The following IPO8 variants were observed in gnomAD, a reference collection of about 807,000 sequenced individuals.
IPO8 encodes the protein importin-8.
IPO8 carries 65 observed loss-of-function variants against 141.2 expected under a neutral mutation model. That is an observed-to-expected ratio of 0.46 (90% confidence interval 0.38 to 0.57). The LOEUF (loss-of-function observed/expected upper bound fraction) is 0.57. IPO8 is among the 20% of genes least tolerant of loss of function. The probability of loss-of-function intolerance (pLI) is 0.00; values close to 1 mark genes in which losing one functional copy is unlikely to be tolerated. For synonymous variants in IPO8, 411 were observed against 420.3 expected (o/e 0.98, Z 0.27); for missense variants, 980 against 1,246.8 (o/e 0.79, Z 3.22).
intron 23 of IPO8, among the ~76,000 whole-genome samples, chr12:30,633,798 A>C (rs541738663): frequency 6.6e-6 from 1 of 152,318 alleles, no homozygotes; most frequent in South Asian, 2.1e-4. Flanking sequence ...CTAAAGGATG[A>C]ACAATATACA....
chr12:30,670,842 T>C lies in IPO8; in HGVS notation c.1044+120A>G, dbSNP rs2053036544. 3 of 742,986 alleles carry C rather than the reference T, an allele frequency of 4.0e-6. No individual in the cohort carries two copies. The Admixed American group carries it at 9.2e-5, about 23-fold the overall frequency. The allele number at this position is 742,986 out of a possible 1,614,324, so 46.0% of individuals were successfully genotyped here. ...GACATAGGACTTCACTCATTAGAAA[T>C]TATTAATGGTAAAATGTATATATAT... On this transcript the variant is annotated intron_variant, in intron 9 of 24. Coordinates refer to ENST00000256079, the MANE Select transcript of IPO8 (RefSeq NM_006390.4).
intron 4 of IPO8, 54 bp downstream of exon 4, chr12:30,681,605 A>G (rs2053188947): frequency 6.5e-7 from 1 of 1,539,518 alleles, no homozygotes; most frequent in Non-Finnish European, 8.9e-7. Context: ...TTGCAACTTC[A>G]TTATTTCTAA....
intron 1 of IPO8, among the ~76,000 whole-genome samples, chr12:30,692,578 G>T (rs952400284): frequency 6.6e-6 from 1 of 152,148 alleles, no homozygotes; most frequent in Non-Finnish European, 1.5e-5. Context: ...CTGCAAATAC[G>T]CAGTTTGCTT....
chr12:30,682,872 G>T (rs758161219), intron 3 of IPO8, among the ~76,000 whole-genome samples: 1 of 151,992 alleles, frequency 6.6e-6, no homozygotes, highest in South Asian at 2.1e-4. Flanking sequence ...TTGAGAATAG[G>T]TGGAAGAAAT....
chr12:30,674,824 A>G (rs756488187), intron 6 of IPO8, 71 bp from the exon 7 acceptor site: 1 of 949,076 alleles, frequency 1.1e-6, no homozygotes, highest in Non-Finnish European at 1.7e-6. Flanking sequence ...CAAAGGCAAG[A>G]TAAATCTTGA....
Position 30,681,641 on chromosome 12 carries a change from C to T in IPO8, c.482+18G>A. Reference sequence around the variant, plus strand: ...GTTACACAAGGCTGCTTTCTTCAGCCAATGGAAACCAACTTACTCATATGT... The same window carrying T: ...GTTACACAAGGCTGCTTTCTTCAGCTAATGGAAACCAACTTACTCATATGT... On this transcript the variant is annotated intron_variant, in intron 4 of 24. Transcript: ENST00000256079. 2 of 1,602,200 alleles carry T rather than the reference C, an allele frequency of 1.2e-6. No individual in the cohort carries two copies. The highest frequency in any genetic ancestry group is 1.7e-6 in the Non-Finnish European group (2 of 1,173,470).
intron 20 of IPO8, among the ~76,000 whole-genome samples, chr12:30,648,444 GA>G (rs1314380167): frequency 2.0e-5 from 3 of 152,172 alleles, no homozygotes; most frequent in Non-Finnish European, 4.4e-5. Context: ...TTTTTTGGGA[GA>G]GGGGTAATGA....
At chr12:30,691,377 C>A (rs1203267452) in intron 1 of IPO8, among the ~76,000 whole-genome samples, 1 of 152,164 alleles carries the variant, frequency 6.6e-6, no homozygotes, top group East Asian at 1.9e-4. Context: ...CCTAAGTGAG[C>A]CTGTGGGGAT....
chr12:30,684,370 T>C lies in IPO8; in HGVS notation c.254A>G (p.His85Arg). Residue 85 changes from histidine (H) to arginine (R), a missense_variant, in exon 3 of 25, where the codon CAC (histidine) becomes CGC (arginine). This residue lies in a region of IPO8 where 924 missense variants were observed against 1,153.9 expected (regional missense o/e 0.80). Coordinates refer to ENST00000256079, the MANE Select transcript of IPO8 (RefSeq NM_006390.4). ...ACGTATTTGCTGGCGATCGTTTTCG[T>C]GAATGTTGAATGGAAATATTGCTTC... is the stretch of plus-strand genomic sequence containing the variant. ...PGEAIFPFNI[H>R]ENDRQQIRDN... 6.2e-7 allele frequency: 1 copy of C among 1,614,130 alleles called. No homozygotes were observed. Among genetic ancestry groups the C allele is most frequent in the Non-Finnish European group, 8.5e-7 (1 of 1,179,992 alleles).
At chr12:30,693,317 A>C (rs1015235522) in intron 1 of IPO8, among the ~76,000 whole-genome samples, 13 of 152,348 alleles carry the variant, frequency 8.5e-5, no homozygotes, top group Non-Finnish European at 1.0e-4. Context: ...ACAATATCAC[A>C]AATAGCAGTC....
intron 10 of IPO8, 136 bp from the exon 11 acceptor site, chr12:30,666,387 G>T (rs1565503230): frequency 3.9e-6 from 2 of 513,296 alleles, no homozygotes; most frequent in Admixed American, 3.6e-5. Context: ...GTACTAAAAA[G>T]GTAAGGATAT....
intron 2 of IPO8, among the ~76,000 whole-genome samples, chr12:30,687,905 T>C (rs546548997): frequency 6.6e-6 from 1 of 152,238 alleles, no homozygotes; most frequent in South Asian, 2.1e-4. Context: ...GGCAAACTTA[T>C]AGAAATCAAA....
intron 1 of IPO8, among the ~76,000 whole-genome samples, chr12:30,691,659 T>C (rs1258505775): frequency 1.3e-5 from 2 of 152,246 alleles, no homozygotes; most frequent in Non-Finnish European, 2.9e-5. Flanking sequence ...CCAGAGAGTC[T>C]GTTCAGCTCA....
chr12:30,687,619 C>A (rs577207967), intron 2 of IPO8, among the ~76,000 whole-genome samples: 1 of 152,088 alleles, frequency 6.6e-6, no homozygotes, highest in African/African-American at 2.4e-5. Flanking sequence ...GATTAGACAA[C>A]AAATGTGTCA....
intron 16 of IPO8, among the ~76,000 whole-genome samples, chr12:30,657,527 T>C (rs996203958): frequency 6.6e-6 from 1 of 152,122 alleles, no homozygotes; most frequent in Non-Finnish European, 1.5e-5. Context: ...AAACCAGCAA[T>C]TCCACTTCAA....
intron 16 of IPO8, among the ~76,000 whole-genome samples, chr12:30,659,506 A>AAC (rs201604916): frequency 0.019 from 2,725 of 142,266 alleles, 76 homozygotes; most frequent in African/African-American, 0.064. Flanking sequence ...CAAATAAACA[A>AAC]AAAAAAAAAA....
intron 2 of IPO8, 142 bp downstream of exon 2, chr12:30,690,354 A>G (rs2053279868): frequency 1.7e-6 from 1 of 577,330 alleles, no homozygotes; most frequent in Admixed American, 4.0e-5. Context: ...AAAGAAAGTG[A>G]GTTTTGAAGT....
chr12:30,665,717 G>T lies in IPO8; in HGVS notation c.1338+12C>A, dbSNP rs201459370. The T allele has an allele frequency of 3.2e-5, 47 of 1,486,374 alleles. No individual in the cohort carries two copies. The African/African-American group carries it at 6.1e-4, about 19-fold the overall frequency. The allele number at this position is 1,486,374 out of a possible 1,614,324, so 92.1% of individuals were successfully genotyped here. On this transcript the variant is annotated intron_variant, in intron 12 of 24. Transcript: ENST00000256079. ...AATGTTATTAAGTAAATTAAATTTTGATTATCTTAACCTTCAGTAAAATCT... is the reference window on the plus strand; with the variant it reads ...AATGTTATTAAGTAAATTAAATTTTTATTATCTTAACCTTCAGTAAAATCT...
Position 30,666,231 on chromosome 12 carries a change from A to C in IPO8, c.1165T>G (p.Ser389Ala). The C allele has an allele frequency of 1.3e-6, 2 of 1,588,986 alleles. No individual in the cohort carries two copies. Among genetic ancestry groups the C allele is most frequent in the East Asian group, 4.5e-5 (2 of 44,542 alleles). Residue 389 changes from serine to alanine, a missense_variant, in exon 11 of 25, where the codon TCT (serine) becomes GCT (alanine). By Grantham distance (99) the Ser-to-Ala change is moderately conservative (BLOSUM62 1). This residue lies in a region of IPO8 where 924 missense variants were observed against 1,153.9 expected (regional missense o/e 0.80). Coordinates refer to ENST00000256079, the MANE Select transcript of IPO8 (RefSeq NM_006390.4). ...MKFDIFEDYA[S>A]PTTAAQTLLY... The stretch of plus-strand genomic sequence containing the variant: ...AGAGTCTGGGCTGCTGTGGTGGGAG[A>C]AGCATAATCTTCAAAAATATCTAAG...
Sources: gnomAD v4.1 joint callset for allele counts (sites outside exome capture counted in the v4.1 genomes callset) on GRCh38, gnomAD v4.1.1 for gene constraint, gnomAD v4.1.1 regional missense constraint, MANE v1.5 for transcripts, NCBI Gene and HGNC (gene_info 2026-07-23, HGNC 2026-07-21) for gene names.